The following COMMD1 variants were observed in gnomAD, a reference collection of about 807,000 sequenced individuals.
The protein encoded by COMMD1 is copper metabolism domain containing 1.
In COMMD1, 10 loss-of-function variants were observed where a neutral mutation model predicts 17.2. The observed-to-expected ratio is 0.58, with a 90% CI of 0.36 to 0.99. The LOEUF is 0.99. Among genes scored for constraint, COMMD1 ranks in the 50% least tolerant of loss-of-function variants. The pLI, the probability that COMMD1 is intolerant of heterozygous loss-of-function variation, is 0.01. For missense variants in COMMD1, 270 were observed against 231.8 expected, an observed-to-expected ratio of 1.17 and a Z score of -1.07; for synonymous variants, 97 against 91.6, an observed-to-expected ratio of 1.06 and a Z score of -0.34.
chr2:61,892,949 C>A (rs1025998439), intron 1 of COMMD1, among the ~76,000 whole-genome samples: 2 of 151,822 alleles, frequency 1.3e-5, no homozygotes, highest in Non-Finnish European at 2.9e-5. Context: ...CTCACTGCAA[C>A]CTCTGCTCCA....
At chr2:62,065,559 A>G (rs1394376196) in intron 2 of COMMD1, among the ~76,000 whole-genome samples, 1 of 152,080 alleles carries the variant, frequency 6.6e-6, no homozygotes. Flanking sequence ...GGCTCAAGCC[A>G]TCCCCCTGCC....
intron 1 of COMMD1, among the ~76,000 whole-genome samples, chr2:61,890,661 C>A (rs1373450249): frequency 6.6e-6 from 1 of 151,670 alleles, no homozygotes; most frequent in South Asian, 2.1e-4. Context: ...GCCAACGTGG[C>A]GAAACCCCGT....
At chr2:61,946,475 A>G (rs1670909894) in intron 1 of COMMD1, among the ~76,000 whole-genome samples, 2 of 152,212 alleles carry the variant, frequency 1.3e-5, no homozygotes, top group South Asian at 2.1e-4. Flanking sequence ...AATTATTCCA[A>G]TAAGACACAG....
rs909186164 is a variant in COMMD1 at position 62,012,090 on chromosome 2, A to C, written c.462+11108A>C. ...TGGTGAAACTCCGTCTCTACTAAAA[A>C]ATACAAAAAAATTAGCTGGGGCTGG... On this transcript the variant is annotated intron_variant, in intron 2 of 2. Transcript: ENST00000311832. 4.6e-5 allele frequency among the ~76,000 whole-genome samples: 7 copies of C among 152,106 alleles called. No homozygotes were observed. In the East Asian group the frequency reaches 1.4e-3, roughly 29 times the overall value.
rs554918702 is a variant in COMMD1 at position 62,095,345 on chromosome 2, C to T, written c.463-40486C>T. On this transcript the variant is annotated intron_variant, in intron 2 of 2. Transcript: ENST00000311832. ...CAAACCTCCCATCTGTTGTTTTAAC[C>T]TAAAAATTCTATTGGCTAACTTATA... Among the ~76,000 whole-genome samples the T allele has an allele frequency of 2.6e-5, 4 of 152,262 alleles. No homozygotes were observed. The South Asian group carries it at 8.3e-4, about 32-fold the overall frequency.
At chr2:62,128,607 C>T (rs779593903) in intron 2 of COMMD1, among the ~76,000 whole-genome samples, 12 of 152,148 alleles carry the variant, frequency 7.9e-5, no homozygotes, top group Non-Finnish European at 1.6e-4. Context: ...CTACCTCCCT[C>T]CCTCCCTCCT....
intron 2 of COMMD1, among the ~76,000 whole-genome samples, chr2:62,133,816 G>T (rs1407529621): frequency 6.6e-6 from 1 of 152,012 alleles, no homozygotes; most frequent in Non-Finnish European, 1.5e-5. Flanking sequence ...GGGATTTATG[G>T]CAGTTCTCAC....
intron 1 of COMMD1, among the ~76,000 whole-genome samples, chr2:61,967,306 A>C (rs1235861832): frequency 6.6e-6 from 1 of 152,160 alleles, no homozygotes; most frequent in Non-Finnish European, 1.5e-5. Context: ...ATACAATCCG[A>C]TTATTTTATT....
intron 1 of COMMD1, among the ~76,000 whole-genome samples, chr2:61,959,782 C>CTTT (rs1671290725): frequency 6.6e-6 from 1 of 152,196 alleles, no homozygotes; most frequent in African/African-American, 2.4e-5. Context: ...GTGAGCTTTA[C>CTTT]TTTTTGCAGA....
At chr2:62,101,257 C>T (rs571709169) in intron 2 of COMMD1, among the ~76,000 whole-genome samples, 1 of 152,160 alleles carries the variant, frequency 6.6e-6, no homozygotes, top group Non-Finnish European at 1.5e-5. Flanking sequence ...AATTCTGATA[C>T]TACCCAGAGT....
chr2:62,014,443 C>T (rs558160166), intron 2 of COMMD1, among the ~76,000 whole-genome samples: 1 of 147,358 alleles, frequency 6.8e-6, no homozygotes, highest in Admixed American at 6.9e-5. Flanking sequence ...GCTCTATTGC[C>T]AAGATAAATG....
chr2:62,036,065 C>CAT (rs1346136645), intron 2 of COMMD1, among the ~76,000 whole-genome samples: 1 of 151,598 alleles, frequency 6.6e-6, no homozygotes, highest in African/African-American at 2.4e-5. Flanking sequence ...CACACACACA[C>CAT]ACACACACAC....
intron 1 of COMMD1, among the ~76,000 whole-genome samples, chr2:61,912,703 C>T (rs928515836): frequency 6.6e-6 from 1 of 151,146 alleles, no homozygotes; most frequent in Non-Finnish European, 1.5e-5. Flanking sequence ...CCACTGCACT[C>T]CAGCCTGGCG....
intron 1 of COMMD1, among the ~76,000 whole-genome samples, chr2:61,951,095 GA>G (rs1671040742): frequency 6.6e-6 from 1 of 152,158 alleles, no homozygotes; most frequent in African/African-American, 2.4e-5. Context: ...TGAATTCCAG[GA>G]AACTCCCACG....
At chr2:61,925,732 C>T (rs1017632610) in intron 1 of COMMD1, among the ~76,000 whole-genome samples, 1 of 152,164 alleles carries the variant, frequency 6.6e-6, no homozygotes, top group South Asian at 2.1e-4. Flanking sequence ...ATTTTAATGT[C>T]TCTCTGGGCC....
chr2:61,897,880 TCAA>T (rs1305635244), intron 1 of COMMD1, among the ~76,000 whole-genome samples: 1 of 152,128 alleles, frequency 6.6e-6, no homozygotes, highest in African/African-American at 2.4e-5. Flanking sequence ...TACAGAGGAC[TCAA>T]CACCTCACTC....
In COMMD1 at chr2:62,123,890, G is replaced by A. The variant is rs565713673; in HGVS notation, c.463-11941G>A. ...TTTATGTGTTTAAAACATAACCTAG[G>A]CTGAGGGCAGTAGTCCTGGTCATCA... On this transcript the variant is annotated intron_variant, in intron 2 of 2. Coordinates refer to ENST00000311832, the MANE Select transcript of COMMD1 (RefSeq NM_152516.4). 3.3e-5 allele frequency among the ~76,000 whole-genome samples: 5 copies of A among 152,058 alleles called. 2 individuals carry two copies. The highest frequency in any genetic ancestry group is 1.2e-4 in the African/African-American group (5 of 41,328).
At position 62,077,414 on chromosome 2, in the gene COMMD1, C is replaced by T. The variant is rs938084860; in HGVS notation, c.463-58417C>T. Among the ~76,000 whole-genome samples the T allele has an allele frequency of 3.3e-5, 5 of 152,132 alleles. No homozygotes were observed. The South Asian group carries it at 6.2e-4, about 19-fold the overall frequency. ...AAGTGACTGATGGAAGGGAAAAACA[C>T]GTCATTTGAAGGTATTTTTATCTCT... On this transcript the variant is annotated intron_variant, in intron 2 of 2. Transcript: ENST00000311832.
At chr2:61,895,293 C>T (rs1220051333) in intron 1 of COMMD1, among the ~76,000 whole-genome samples, 1 of 152,166 alleles carries the variant, frequency 6.6e-6, no homozygotes, top group Non-Finnish European at 1.5e-5. Flanking sequence ...CTGTTGGGAA[C>T]TAGGTAGGAG....
Sources: allele counts gnomAD v4.1 joint callset (sites outside exome capture counted in the v4.1 genomes callset), GRCh38; gene constraint gnomAD v4.1.1; transcripts MANE v1.5; gene names NCBI Gene and HGNC (gene_info 2026-07-23, HGNC 2026-07-21).